Variants in ATP6V0A4 observed in about 807,000 individuals in gnomAD.
ATP6V0A4 encodes ATPase H+ transporting V0 subunit a4.
A neutral mutation model predicts 107.3 loss-of-function variants in ATP6V0A4; 86 were observed. That is an observed-to-expected ratio of 0.80 (90% CI 0.67 to 0.96). ATP6V0A4 has a LOEUF of 0.96. Among genes scored for constraint, ATP6V0A4 ranks in the 40% least tolerant of loss-of-function variants. The pLI is 0.00. For synonymous variants in ATP6V0A4, 353 were observed against 381.4 expected (o/e 0.93, Z 0.87); for missense variants, 908 against 1,045.6 (o/e 0.87, Z 1.81).
chr7:138,744,935 T>G (rs1444847897), intron 14 of ATP6V0A4, among the ~76,000 whole-genome samples, 188 bp downstream of exon 14: 2 of 151,982 alleles, frequency 1.3e-5, no homozygotes, highest in Non-Finnish European at 2.9e-5. Context: ...ACTCCTAACC[T>G]CAGGTGATCC....
At chr7:138,769,039 C>G (rs988012899) in intron 4 of ATP6V0A4, 134 bp downstream of exon 4, 1 of 1,568,352 alleles carries the variant, frequency 6.4e-7, no homozygotes, top group African/African-American at 1.4e-5. Flanking sequence ...CCATTCCCTC[C>G]AGGTGGGCCT....
At chr7:138,793,154 G>A (rs1161096882) in intron 1 of ATP6V0A4, among the ~76,000 whole-genome samples, 2 of 152,160 alleles carry the variant, frequency 1.3e-5, no homozygotes, top group Non-Finnish European at 2.9e-5. Flanking sequence ...AATTACCCGG[G>A]GGTGGTGGCA....
In ATP6V0A4 at chr7:138,792,766, GTTTTTTTT is replaced by G. The variant is rs1202969668; in HGVS notation, c.-121+5260_-121+5267del. 2.8e-3 allele frequency among the ~76,000 whole-genome samples: 189 copies of G among 68,684 alleles called. 4 individuals carry two copies. The South Asian group carries it at 0.032, about 12-fold the overall frequency. 45.1% of individuals were successfully genotyped at this position (68,684 alleles called of 152,430 possible). On this transcript the variant is annotated intron_variant, in intron 1 of 21. Transcript: ENST00000310018. The stretch of plus-strand genomic sequence containing the variant: ...GGCTTGCATCACCAAACTCAGGTTT[GTTTTTTTT>G]TTTGTTGTTTTGTTTTTTTTTTTGT...
At chr7:138,797,861 C>G in intron 1 of ATP6V0A4, 173 bp downstream of exon 1, 1 of 807,544 alleles carries the variant, frequency 1.2e-6, no homozygotes, top group East Asian at 2.9e-5. Flanking sequence ...GCACAGCTTG[C>G]CCCTCCCTTC....
At chr7:138,789,031 C>T (rs1370594549) in intron 1 of ATP6V0A4, among the ~76,000 whole-genome samples, 2 of 152,080 alleles carry the variant, frequency 1.3e-5, no homozygotes. Flanking sequence ...CTCTGAGGTC[C>T]TTTTCCAACA....
intron 9 of ATP6V0A4, 76 bp from the exon 10 acceptor site, chr7:138,755,858 C>T (rs887664791): frequency 6.3e-7 from 1 of 1,575,230 alleles, no homozygotes; most frequent in Admixed American, 1.8e-5. Flanking sequence ...TCTGCTAAGA[C>T]ATCGTTTGCT....
At chr7:138,752,112 G>A (rs1157874861) in intron 11 of ATP6V0A4, among the ~76,000 whole-genome samples, 1 of 152,208 alleles carries the variant, frequency 6.6e-6, no homozygotes, top group Non-Finnish European at 1.5e-5. Flanking sequence ...TCTCACACCT[G>A]TAATGTCAGC....
intron 15 of ATP6V0A4, among the ~76,000 whole-genome samples, chr7:138,735,907 T>TA: frequency 3.2e-5 from 1 of 31,200 alleles, no homozygotes; most frequent in Non-Finnish European, 5.8e-5. Flanking sequence ...AAAGCTTTTT[T>TA]AAAAAATTAG....
intron 2 of ATP6V0A4, among the ~76,000 whole-genome samples, chr7:138,779,003 C>T (rs1334508580): frequency 6.6e-6 from 1 of 152,134 alleles, no homozygotes; most frequent in Non-Finnish European, 1.5e-5. Context: ...GGGAGAAACG[C>T]TCTACCCAAC....
chr7:138,718,387 T>C (rs1173502531), intron 19 of ATP6V0A4, among the ~76,000 whole-genome samples: 44 of 67,874 alleles, frequency 6.5e-4, no homozygotes, highest in African/African-American at 1.2e-3. Context: ...CGGATGTCTG[T>C]GGAGGGAGAC....
chr7:138,734,543 G>A (rs941242745), intron 15 of ATP6V0A4, among the ~76,000 whole-genome samples: 18 of 152,060 alleles, frequency 1.2e-4, no homozygotes, highest in Admixed American at 5.3e-4. Flanking sequence ...CTGGGAGGCC[G>A]AGGCAGGTGT....
Position 138,745,537 on chromosome 7 carries a change from C to T in ATP6V0A4, c.1321-257G>A, listed in dbSNP as rs147832286. Among the ~76,000 whole-genome samples the T allele has an allele frequency of 6.9e-3, 1,041 of 151,484 alleles. 7 individuals are homozygous for T. Among genetic ancestry groups the T allele is most frequent in the African/African-American group, 0.022 (912 of 41,272 alleles). Reference sequence around the variant, plus strand: ...ACCATATAGGCAAAAATTAGCTGGGCGTGGTGGTGCATGCCTGTAATCCCA... The same window carrying T: ...ACCATATAGGCAAAAATTAGCTGGGTGTGGTGGTGCATGCCTGTAATCCCA... On this transcript the variant is annotated intron_variant, in intron 13 of 21. Coordinates refer to ENST00000310018, the MANE Select transcript of ATP6V0A4 (RefSeq NM_020632.3).
intron 20 of ATP6V0A4, among the ~76,000 whole-genome samples, chr7:138,714,858 T>C (rs11768894): frequency 0.34 from 51,984 of 152,088 alleles, 9,089 homozygotes; most frequent in East Asian, 0.38. Flanking sequence ...CATACTATAT[T>C]ACATGGCAAC....
intron 1 of ATP6V0A4, among the ~76,000 whole-genome samples, chr7:138,796,061 T>C (rs561129119): frequency 1.2e-4 from 18 of 152,232 alleles, no homozygotes; most frequent in African/African-American, 1.7e-4. Flanking sequence ...CTAGTACCCA[T>C]TGGATAAATC....
Position 138,773,675 on chromosome 7 carries a change from A to C in ATP6V0A4, c.-17-2411T>G, listed in dbSNP as rs1807508339. On this transcript the variant is annotated intron_variant, in intron 2 of 21. Transcript: ENST00000310018. The surrounding 1 kb of genome is among the most constrained non-coding windows in gnomAD (Gnocchi z 5.4). ...CAGGAAGTGCACATGGTCTGGGCCC[A>C]CATTTGTGCCTTTTGACACCAAGAT... 6.6e-6 allele frequency: 1 copy of C among 152,332 alleles called. No homozygotes were observed. Among genetic ancestry groups the C allele is most frequent in the Non-Finnish European group, 1.5e-5 (1 of 68,136 alleles). The allele number at this position is 152,332 out of a possible 1,614,324, so 9.4% of individuals were successfully genotyped here.
intron 13 of ATP6V0A4, 105 bp downstream of exon 13, chr7:138,747,320 T>C: frequency 7.1e-7 from 1 of 1,418,186 alleles, no homozygotes; most frequent in South Asian, 1.2e-5. Context: ...ACTTTCCTTC[T>C]CTCCTTTATT....
chr7:138,717,423 G>A (rs933481650), intron 19 of ATP6V0A4, among the ~76,000 whole-genome samples: 1 of 152,146 alleles, frequency 6.6e-6, no homozygotes, highest in Non-Finnish European at 1.5e-5. Flanking sequence ...GCGTGCACCT[G>A]TAATCCAGCT....
intron 1 of ATP6V0A4, among the ~76,000 whole-genome samples, chr7:138,789,968 C>CAAAAAAAAAAAAAAAAAAAA (rs34413519): frequency 7.9e-6 from 1 of 126,746 alleles, no homozygotes; most frequent in Non-Finnish European, 1.7e-5. Flanking sequence ...GACTCTGTCT[C>CAAAAAAAAAAAAAAAAAAAA]AAAAAAAAAA....
At chr7:138,771,313 T>A in intron 2 of ATP6V0A4, 49 bp from the exon 3 acceptor site, 1 of 1,597,586 alleles carries the variant, frequency 6.3e-7, no homozygotes. Context: ...AATAAATGTG[T>A]GAAAACCTTA....
Sources: gnomAD v4.1 joint callset for allele counts (sites outside exome capture counted in the v4.1 genomes callset) on GRCh38, gnomAD v4.1.1 for gene constraint, Gnocchi (gnomAD v3.1) non-coding constraint, MANE v1.5 for transcripts, NCBI Gene and HGNC (gene_info 2026-07-23, HGNC 2026-07-21) for gene names.